Variants in DNAH9 observed in about 807,000 individuals in gnomAD.
DNAH9 encodes dynein axonemal heavy chain 9, also known as DNAH9 variant protein.
Under a neutral mutation model 471.6 loss-of-function variants are expected in DNAH9, and 345 were observed. The ratio of observed to expected loss-of-function variants is 0.73; its 90% CI spans 0.67 to 0.80. The LOEUF (loss-of-function observed/expected upper bound fraction) is 0.80. DNAH9 is among the 30% of genes least tolerant of loss of function. The pLI, the probability that DNAH9 is intolerant of heterozygous loss-of-function variation, is 0.00. For missense variants in DNAH9, 5,407 were observed against 5,609.2 expected, an observed-to-expected ratio of 0.96 and a Z score of 1.15; for synonymous variants, 2,093 against 2,123.6, an observed-to-expected ratio of 0.99 and a Z score of 0.40.
At chr17:11,681,801 T>C (rs1409033211) in intron 19 of DNAH9, among the ~76,000 whole-genome samples, 2 of 152,226 alleles carry the variant, frequency 1.3e-5, no homozygotes, top group Non-Finnish European at 2.9e-5. Context: ...ACAACTTCAC[T>C]GGAACGAAGT....
At chr17:11,949,178 G>A (rs1413294521) in intron 67 of DNAH9, among the ~76,000 whole-genome samples, 1 of 152,178 alleles carries the variant, frequency 6.6e-6, no homozygotes, top group African/African-American at 2.4e-5. Flanking sequence ...TTTATTGATA[G>A]GGATGAATGA....
intron 10 of DNAH9, among the ~76,000 whole-genome samples, chr17:11,641,438 G>T (rs576088306): frequency 6.6e-6 from 1 of 152,238 alleles, no homozygotes; most frequent in African/African-American, 2.4e-5. Context: ...CCCAGCGGGT[G>T]ACCCATTTGC....
rs1418168368 is a variant in DNAH9, at chr17:11,623,371, A to G, written c.1350+3590A>G. ...CCCTTTCACTTTGTTCTCCTTCTCT[A>G]TTTTCTAACTTCCCTGACCTCTTTG... On this transcript the variant is annotated intron_variant, in intron 6 of 68. Coordinates refer to ENST00000262442, the MANE Select transcript of DNAH9 (RefSeq NM_001372.4). This position sits in a 1 kb window ranked among gnomAD's most constrained non-coding sequence, Gnocchi z 4.1. 2.0e-5 allele frequency among the ~76,000 whole-genome samples: 3 copies of G among 150,176 alleles called. No individual in the cohort carries two copies. Among genetic ancestry groups the G allele is most frequent in the Admixed American group, 6.6e-5 (1 of 15,074 alleles).
intron 68 of DNAH9, among the ~76,000 whole-genome samples, chr17:11,965,045 A>G (rs12449769): frequency 0.18 from 27,537 of 152,170 alleles, 2,592 homozygotes; most frequent in East Asian, 0.23. Context: ...TGGTGCAAAC[A>G]GTAGGCTAAT....
At chr17:11,938,456 C>CAAAAAAAAAAAAAAAAAAAAAAAA in intron 66 of DNAH9, among the ~76,000 whole-genome samples, 1 of 111,442 alleles carries the variant, frequency 9.0e-6, no homozygotes. Flanking sequence ...AGACTGTCTC[C>CAAAAAAAAAAAAAAAAAAAAAAAA]AAAAAAAAAA....
At chr17:11,701,701 C>T (rs990719219) in intron 24 of DNAH9, among the ~76,000 whole-genome samples, 14 of 149,570 alleles carry the variant, frequency 9.4e-5, no homozygotes, top group East Asian at 7.7e-4. Context: ...TTGTTTAAGA[C>T]GGGGTGTTGC....
In DNAH9 at chr17:11,617,526, C is replaced by G. The variant is rs369392784; in HGVS notation, c.1020C>G (p.His340Gln). The change falls in exon 5 of 69, where the codon CAC (histidine) becomes CAG (glutamine). Residue 340 changes from histidine (H) to glutamine (Q), a missense_variant. His to Gln is a conservative substitution (Grantham distance 24, BLOSUM62 0). Transcript: ENST00000262442. ...AGCCCCAGCTGCGGCCCCTGCTCCA[C>G]GTGGTCTGTCTGATTTGGGCCACAT... ...EVKPQLRPLL[H>Q]VVCLIWATCK... 1 of 1,614,126 alleles carries G rather than the reference C, an allele frequency of 6.2e-7. No homozygotes were observed. The highest frequency in any genetic ancestry group is 1.3e-5 in the African/African-American group (1 of 75,050).
chr17:11,672,046 A>G (rs567340364), intron 17 of DNAH9, among the ~76,000 whole-genome samples: 1 of 152,370 alleles, frequency 6.6e-6, no homozygotes, highest in East Asian at 1.9e-4. Context: ...ATTCGATAAA[A>G]TAGAAATAAT....
intron 41 of DNAH9, among the ~76,000 whole-genome samples, chr17:11,789,315 A>C (rs1203768566): frequency 6.6e-6 from 1 of 152,086 alleles, no homozygotes; most frequent in Non-Finnish European, 1.5e-5. Context: ...TTTACTGGTG[A>C]AACCACCTGG....
intron 43 of DNAH9, among the ~76,000 whole-genome samples, chr17:11,806,201 A>G (rs1969675086): frequency 6.6e-6 from 1 of 152,140 alleles, no homozygotes; most frequent in Non-Finnish European, 1.5e-5. Flanking sequence ...AAATCCTCCA[A>G]TATAGCAGAT....
At position 11,822,874 on chromosome 17, in the gene DNAH9, A is replaced by G; in HGVS notation, c.9086A>G (p.Tyr3029Cys). 6.2e-7 allele frequency: 1 copy of G among 1,614,264 alleles called. No homozygotes were observed. The highest frequency in any genetic ancestry group is 1.3e-5 in the African/African-American group (1 of 75,086). Residue 3029 changes from tyrosine (Y) to cysteine (C), a missense_variant, in exon 48 of 69, where the codon TAT (tyrosine) becomes TGT (cysteine). This residue lies in a region of DNAH9 where 4,636 missense variants were observed against 4,900.3 expected (regional missense o/e 0.95). Coordinates refer to ENST00000262442, the MANE Select transcript of DNAH9 (RefSeq NM_001372.4). ...AGTGTCAACCAAACATCCCAGTCTT[A>G]TCTGAGCAATGAACAGCGCTACAAC... is the stretch of plus-strand genomic sequence containing the variant. ...HTSVNQTSQS[Y>C]LSNEQRYNYT...
rs1597747698 is a variant in DNAH9, at chr17:11,861,090, T to C, written c.9933+6662T>C. Among the ~76,000 whole-genome samples, 4 of 151,896 alleles carry C rather than the reference T, an allele frequency of 2.6e-5. No individual in the cohort carries two copies. In the East Asian group the frequency reaches 7.8e-4, roughly 29 times the overall value. On this transcript the variant is annotated intron_variant, in intron 50 of 68. Coordinates refer to ENST00000262442, the MANE Select transcript of DNAH9 (RefSeq NM_001372.4). ...GTGCACAATGTGCAGGTTAGTTACA[T>C]ATGTATACATGTGCCATGCTGGTGC...
At chr17:11,829,449 C>G (rs909583148) in intron 48 of DNAH9, among the ~76,000 whole-genome samples, 1 of 152,110 alleles carries the variant, frequency 6.6e-6, no homozygotes, top group Admixed American at 6.6e-5. Context: ...AGTTCACAAA[C>G]TTATTTATTT....
chr17:11,803,846 C>T (rs1216272206), intron 43 of DNAH9, among the ~76,000 whole-genome samples: 2 of 152,220 alleles, frequency 1.3e-5, no homozygotes, highest in African/African-American at 4.8e-5. Context: ...TCTCTCTTTC[C>T]TCCACTAATC....
rs893266030 is a variant in DNAH9 at position 11,813,238 on chromosome 17, GA to G, written c.8707+2880del. 9.5e-3 allele frequency among the ~76,000 whole-genome samples: 1,345 copies of G among 141,194 alleles called. 30 individuals are homozygous for G. The highest frequency in any genetic ancestry group is 0.031 in the African/African-American group (1,200 of 38,714). 92.6% of individuals were successfully genotyped at this position (141,194 alleles called of 152,430 possible). A position where few individuals can be genotyped will look rare whatever the true frequency, so the allele number is the denominator to read the frequency against. On this transcript the variant is annotated intron_variant, in intron 45 of 68. Coordinates refer to ENST00000262442, the MANE Select transcript of DNAH9 (RefSeq NM_001372.4). ...TTAAGGCTTCTATATATTCTTTAAG[GA>G]AAAAAAAAAAGGTAAAATTTGTGTA...
chr17:11,700,929 G>A (rs1324932333), intron 23 of DNAH9, among the ~76,000 whole-genome samples, 193 bp from the exon 24 acceptor site: 2 of 152,272 alleles, frequency 1.3e-5, no homozygotes, highest in African/African-American at 4.8e-5. Flanking sequence ...TGTTAATTAA[G>A]TCTGGGTCTC....
chr17:11,711,111 C>A (rs1258934634), intron 26 of DNAH9, among the ~76,000 whole-genome samples: 1 of 152,148 alleles, frequency 6.6e-6, no homozygotes, highest in African/African-American at 2.4e-5. Context: ...GCAGGTATAG[C>A]AGATTCCTTG....
rs141526585 is a variant in DNAH9 at position 11,738,964 on chromosome 17, G to A, written c.5899G>A (p.Gly1967Ser). The change falls in exon 29 of 69, where the codon GGT (glycine) becomes AGT (serine). Residue 1967 changes from glycine to serine, a missense_variant. This residue lies in a region of DNAH9 where 4,636 missense variants were observed against 4,900.3 expected (regional missense o/e 0.95). Coordinates refer to ENST00000262442, the MANE Select transcript of DNAH9 (RefSeq NM_001372.4). ...GEEISLNPSV[G>S]IFITMNPGYA... ...GGAGATCAGCCTGAATCCTTCTGTC[G>A]GTATCTTCATCACCATGAACCCAGG... The A allele has an allele frequency of 3.7e-5, 60 of 1,613,922 alleles. No homozygotes were observed. The highest frequency in any genetic ancestry group is 6.7e-5 in the East Asian group (3 of 44,898).
At chr17:11,605,006 G>A (rs1054648053) in intron 1 of DNAH9, among the ~76,000 whole-genome samples, 1 of 152,136 alleles carries the variant, frequency 6.6e-6, no homozygotes, top group Non-Finnish European at 1.5e-5. Context: ...TCACAGGCAA[G>A]GCTGCATGTG....
Sources: allele counts gnomAD v4.1 joint callset (sites outside exome capture counted in the v4.1 genomes callset), GRCh38; gene constraint gnomAD v4.1.1; regional missense constraint gnomAD v4.1.1; non-coding constraint Gnocchi (gnomAD v3.1); transcripts MANE v1.5; gene names NCBI Gene and HGNC (gene_info 2026-07-23, HGNC 2026-07-21).